Variants in TRIO observed in about 807,000 individuals in gnomAD.
TRIO encodes triple functional domain protein.
TRIO carries 58 observed loss-of-function variants against 351.9 expected under a neutral mutation model. That is an observed-to-expected ratio of 0.16 (90% CI 0.13 to 0.21). TRIO has a LOEUF of 0.21. Among genes scored for constraint, TRIO ranks in the 10% least tolerant of loss-of-function variants. The pLI is 1.00. For synonymous variants in TRIO, 1,758 were observed against 1,595.7 expected, an observed-to-expected ratio of 1.10 and a Z score of -2.42; for missense variants, 3,201 against 4,027.8, an observed-to-expected ratio of 0.79 and a Z score of 5.56.
intron 1 of TRIO, among the ~76,000 whole-genome samples, chr5:14,252,501 A>G (rs1000466181): frequency 6.6e-6 from 1 of 152,200 alleles, no homozygotes; most frequent in Admixed American, 6.5e-5. Flanking sequence ...AACAGGTCTT[A>G]CCTGGATCCC....
At chr5:14,346,463 A>G (rs1287429143) in intron 11 of TRIO, among the ~76,000 whole-genome samples, 1 of 152,214 alleles carries the variant, frequency 6.6e-6, no homozygotes, top group African/African-American at 2.4e-5. Context: ...ATATCACCAT[A>G]TTGAGCATAT....
Position 14,336,605 on chromosome 5 carries a change from C to A in TRIO, c.1924C>A (p.Pro642Thr). Residue 642 changes from proline to threonine, a missense_variant, in exon 11 of 57, where the codon CCC becomes ACC. By Grantham distance (38) the Pro-to-Thr change is conservative. Coordinates refer to ENST00000344204, the MANE Select transcript of TRIO (RefSeq NM_007118.4). ...GCTGGCTCAGACTGGGGAATGTGAC[C>A]CCGAAGAGATTTATCAGGCTGCCCA... ...EQLAQTGECD[P>T]EEIYQAAHQL... The A allele has an allele frequency of 1.9e-6, 3 of 1,614,106 alleles. No homozygotes were observed. Among genetic ancestry groups the A allele is most frequent in the Non-Finnish European group, 2.5e-6 (3 of 1,180,030 alleles).
chr5:14,242,143 C>T (rs1289097619), intron 1 of TRIO, among the ~76,000 whole-genome samples: 1 of 152,212 alleles, frequency 6.6e-6, no homozygotes, highest in Non-Finnish European at 1.5e-5. Context: ...ACATACCTGC[C>T]AAGTGGCAGA....
chr5:14,393,715 A>G (rs988718002), intron 27 of TRIO, among the ~76,000 whole-genome samples: 3 of 152,206 alleles, frequency 2.0e-5, no homozygotes, highest in Non-Finnish European at 2.9e-5. Flanking sequence ...AAGGAATACA[A>G]CCTTTACATG....
chr5:14,437,693 C>A (rs937554438), intron 34 of TRIO, among the ~76,000 whole-genome samples: 1 of 141,286 alleles, frequency 7.1e-6, no homozygotes, highest in African/African-American at 2.8e-5. Flanking sequence ...ACCACCCCCC[C>A]CGCCCCAAGG....
At chr5:14,491,622 C>G (rs1756493534) in intron 48 of TRIO, among the ~76,000 whole-genome samples, 1 of 152,200 alleles carries the variant, frequency 6.6e-6, no homozygotes. Flanking sequence ...TAACACCACT[C>G]TGTGTGTGGC....
chr5:14,235,834 A>AT (rs1033192495), intron 1 of TRIO, among the ~76,000 whole-genome samples: 3 of 151,878 alleles, frequency 2.0e-5, no homozygotes, highest in East Asian at 1.9e-4. Flanking sequence ...ATTAAAAAAA[A>AT]TTTTTTTTAT....
At chr5:14,149,565 G>T (rs942833365) in intron 1 of TRIO, among the ~76,000 whole-genome samples, 11 of 152,176 alleles carry the variant, frequency 7.2e-5, no homozygotes, top group Admixed American at 7.2e-4. Context: ...ACCAGAGTGA[G>T]GCTACGAGCG....
intron 34 of TRIO, among the ~76,000 whole-genome samples, chr5:14,447,553 C>T (rs570723940): frequency 6.6e-6 from 1 of 152,252 alleles, no homozygotes; most frequent in East Asian, 1.9e-4. Flanking sequence ...ACCGTTTTGC[C>T]TGGGAGAGTC....
At chr5:14,420,233 C>A in intron 34 of TRIO, 1 of 673,796 alleles carries the variant, frequency 1.5e-6, no homozygotes, top group African/African-American at 1.8e-5. Context: ...AATGAGTGAT[C>A]TCCTCACTTC....
At position 14,504,417 on chromosome 5, in the gene TRIO, A is replaced by G. The variant is rs1262017120; in HGVS notation, c.8436A>G (p.Lys2812=). The change falls in exon 55 of 57, where the codon AAA becomes AAG. Residue 2812 remains lysine (K), a synonymous_variant. Transcript: ENST00000344204. The part of the protein sequence containing the change: ...LGRGRFSVVK[K]CDQKGTKRAV... ...GGGGCAGATTCTCTGTCGTTAAGAA[A>G]TGTGATCAGAAAGGAACCAAGCGAG... is the stretch of plus-strand genomic sequence containing the variant. 7.4e-6 allele frequency: 12 copies of G among 1,614,170 alleles called. No individual in the cohort carries two copies. The highest frequency in any genetic ancestry group is 1.0e-5 in the Non-Finnish European group (12 of 1,180,026).
intron 20 of TRIO, among the ~76,000 whole-genome samples, chr5:14,379,829 C>A (rs2152352551): frequency 6.6e-6 from 1 of 152,272 alleles, no homozygotes; most frequent in East Asian, 1.9e-4. Context: ...CAGGTGGTGC[C>A]CCATCTGCCT....
intron 16 of TRIO, among the ~76,000 whole-genome samples, chr5:14,367,995 A>G (rs1032102377): frequency 3.3e-4 from 51 of 152,260 alleles, no homozygotes; most frequent in African/African-American, 1.2e-3. Context: ...AGGTTTTGCT[A>G]TTGTTTAAAA....
chr5:14,310,005 A>G (rs1738774310), intron 8 of TRIO, among the ~76,000 whole-genome samples: 2 of 152,170 alleles, frequency 1.3e-5, no homozygotes, highest in Non-Finnish European at 1.5e-5. Flanking sequence ...CTGTGCTTTA[A>G]TTAGACCTGC....
At chr5:14,364,893 C>G (rs1329337712) in intron 15 of TRIO, 77 bp downstream of exon 15, 2 of 1,496,244 alleles carry the variant, frequency 1.3e-6, no homozygotes, top group African/African-American at 2.8e-5. Context: ...GAAATTCTGA[C>G]CTGTAGCATT....
chr5:14,361,300 C>G (rs1467153846), intron 13 of TRIO, among the ~76,000 whole-genome samples: 1 of 152,056 alleles, frequency 6.6e-6, no homozygotes. Context: ...GATTAGGAAA[C>G]AAAAACATAC....
intron 28 of TRIO, among the ~76,000 whole-genome samples, chr5:14,396,203 G>A (rs1426185852): frequency 1.3e-5 from 2 of 151,958 alleles, no homozygotes; most frequent in Non-Finnish European, 2.9e-5. Context: ...AACCATTAGA[G>A]CTTTTCTAAA....
At chr5:14,328,367 G>T (rs867067335) in intron 9 of TRIO, among the ~76,000 whole-genome samples, 3 of 152,088 alleles carry the variant, frequency 2.0e-5, no homozygotes, top group South Asian at 4.2e-4. Flanking sequence ...CAATGCACTC[G>T]TTAAAGTAAT....
chr5:14,301,912 C>A (rs2152294060), intron 7 of TRIO, among the ~76,000 whole-genome samples: 1 of 152,192 alleles, frequency 6.6e-6, no homozygotes, highest in Non-Finnish European at 1.5e-5. Context: ...TGATGCTGTG[C>A]AAAACCCTCT....
Sources: allele counts gnomAD v4.1 joint callset (sites outside exome capture counted in the v4.1 genomes callset), GRCh38; gene constraint gnomAD v4.1.1; transcripts MANE v1.5; gene names NCBI Gene and HGNC (gene_info 2026-07-23, HGNC 2026-07-21).